Variants in USP25 observed in about 807,000 individuals in gnomAD.
USP25 encodes ubiquitin carboxyl-terminal hydrolase 25.
In USP25, 85 loss-of-function variants were observed where a neutral mutation model predicts 158.5. That is an observed-to-expected ratio of 0.54 (90% confidence interval 0.45 to 0.64). The LOEUF (loss-of-function observed/expected upper bound fraction) is 0.64, where lower values mean the gene tolerates loss of function less well. USP25 is among the 30% of genes least tolerant of loss of function. The pLI is 0.00. For synonymous variants in USP25, 464 were observed against 460.4 expected, an observed-to-expected ratio of 1.01 and a Z score of -0.10; for missense variants, 1,242 against 1,327.3, an observed-to-expected ratio of 0.94 and a Z score of 1.00.
At chr21:15,760,076 A>G (rs373692404) in intron 1 of USP25, among the ~76,000 whole-genome samples, 1 of 152,234 alleles carries the variant, frequency 6.6e-6, no homozygotes, top group South Asian at 2.1e-4. Flanking sequence ...TGCCTATCCA[A>G]TGAACATTCT....
At chr21:15,764,990 T>G (rs370462657) in intron 2 of USP25, among the ~76,000 whole-genome samples, 3 of 152,128 alleles carry the variant, frequency 2.0e-5, no homozygotes, top group Admixed American at 1.3e-4. Flanking sequence ...AGCAATAATA[T>G]TGGATGCTGT....
In USP25 at chr21:15,833,436, A is replaced by T; in HGVS notation, c.2082A>T (p.Gln694His). Residue 694 changes from glutamine to histidine, a missense_variant, in exon 17 of 26, where the codon CAA becomes CAT. By Grantham distance (24) the Gln-to-His change is conservative. Around this residue, in one of 3 missense-constraint regions of USP25, gnomAD observed 608 missense variants for 605.2 expected, o/e 1.00. Transcript: ENST00000400183. ...GAGATTTTGTTGAGGAAGACAACCA[A>T]CGATTTGAAAAAGAACTAGAAGAAT... ...DLRDFVEEDN[Q>H]RFEKELEEWD... is the part of the protein sequence containing the mutation. The T allele has an allele frequency of 6.2e-7, 1 of 1,614,102 alleles. No individual in the cohort carries two copies. The highest frequency in any genetic ancestry group is 8.5e-7 in the Non-Finnish European group (1 of 1,180,000).
chr21:15,851,505 C>A (rs1335988808), intron 20 of USP25, among the ~76,000 whole-genome samples: 3 of 111,420 alleles, frequency 2.7e-5, no homozygotes, highest in East Asian at 2.9e-4. Flanking sequence ...ATCCCCCATA[C>A]ACACACACAC....
intron 6 of USP25, 78 bp downstream of exon 6, chr21:15,799,921 A>G: frequency 2.2e-6 from 2 of 893,062 alleles, no homozygotes; most frequent in Non-Finnish European, 3.2e-6. Context: ...TTGGGCATTT[A>G]CTTGGCTCAT....
chr21:15,865,166 A>G (rs879481871), intron 21 of USP25, among the ~76,000 whole-genome samples: 22 of 152,174 alleles, frequency 1.4e-4, no homozygotes, highest in Non-Finnish European at 2.5e-4. Context: ...AGAAAGTCCT[A>G]TTAAACTACT....
At position 15,766,182 on chromosome 21, in the gene USP25, A is replaced by G. The variant is rs200643257; in HGVS notation, c.268+41A>G. On this transcript the variant is annotated intron_variant, in intron 3 of 25. Transcript: ENST00000400183. This position sits in a 1 kb window ranked among gnomAD's most constrained non-coding sequence, Gnocchi z 4.0. Reference sequence around the variant, plus strand: ...TTTCTTATTATTTTAATAGAAACATACTGAAAAACTTTTCTTGGTGTAATA... The same window carrying G: ...TTTCTTATTATTTTAATAGAAACATGCTGAAAAACTTTTCTTGGTGTAATA... The G allele has an allele frequency of 9.1e-4, 1,400 of 1,545,796 alleles. 6 individuals carry two copies. The highest frequency in any genetic ancestry group is 3.8e-3 in the Middle Eastern group (22 of 5,722).
rs562407759 is a variant in USP25, at chr21:15,827,759, C to CGTGTGT, written c.1693+561_1693+562insTGTGTG. Among the ~76,000 whole-genome samples the CGTGTGT allele has an allele frequency of 4.4e-3, 451 of 102,684 alleles. 2 individuals are homozygous for CGTGTGT. Among genetic ancestry groups the CGTGTGT allele is most frequent in the South Asian group, 5.6e-3 (16 of 2,856 alleles). 67.4% of individuals were successfully genotyped at this position (102,684 alleles called of 152,430 possible). On this transcript the variant is annotated intron_variant, in intron 14 of 25. Transcript: ENST00000400183. ...TGGGTGGGGTGTGTGCACTTGTGTG[C>CGTGTGT]GTGTGCGTGTGTGTGTGTGTGTGTG...
chr21:15,744,586 T>TTTGTTGTTG (rs10635610), intron 1 of USP25, among the ~76,000 whole-genome samples: 28,751 of 150,796 alleles, frequency 0.19, 4,363 homozygotes, highest in African/African-American at 0.43. Context: ...GGTCTGCAGT[T>TTTGTTGTTG]TTGTTGTTGT....
At chr21:15,815,981 G>C (rs2036918461) in intron 9 of USP25, among the ~76,000 whole-genome samples, 1 of 152,120 alleles carries the variant, frequency 6.6e-6, no homozygotes, top group Non-Finnish European at 1.5e-5. Context: ...AGACATGATT[G>C]GTTTTGAAAT....
At chr21:15,824,528 CTCTGTCTTCCTGTCTT>C (rs377361510) in intron 11 of USP25, among the ~76,000 whole-genome samples, 1 of 151,906 alleles carries the variant, frequency 6.6e-6, no homozygotes, top group African/African-American at 2.4e-5. Context: ...CTTTCTGTCT[CTCTGTCTTCCTGTCTT>C]TCTGTCTTCC....
chr21:15,751,997 C>T (rs1568759298), intron 1 of USP25, among the ~76,000 whole-genome samples: 1 of 152,162 alleles, frequency 6.6e-6, no homozygotes, highest in Admixed American at 6.5e-5. Flanking sequence ...TACAATGGTG[C>T]AATCTCAGCT....
intron 7 of USP25, among the ~76,000 whole-genome samples, chr21:15,806,489 T>G (rs767719203): frequency 2.6e-5 from 4 of 152,136 alleles, no homozygotes; most frequent in Middle Eastern, 3.4e-3. Context: ...CTTTTCACAT[T>G]TAAAGATGAG....
chr21:15,774,609 A>T (rs1307709893), intron 3 of USP25, among the ~76,000 whole-genome samples: 2 of 152,192 alleles, frequency 1.3e-5, no homozygotes, highest in African/African-American at 4.8e-5. Flanking sequence ...TTTAGCTTGT[A>T]ACTCATTTTA....
At chr21:15,869,149 G>C (rs2146581271) in intron 22 of USP25, among the ~76,000 whole-genome samples, 1 of 151,948 alleles carries the variant, frequency 6.6e-6, no homozygotes, top group South Asian at 2.1e-4. Context: ...TTGGGAGACA[G>C]AGGTAGGAGG....
At chr21:15,878,211 C>T in intron 25 of USP25, 92 bp from the exon 26 acceptor site, 1 of 1,473,428 alleles carries the variant, frequency 6.8e-7, no homozygotes. Context: ...ATTATCTTAC[C>T]TATTAGAGTA....
chr21:15,749,794 T>C (rs2032846351), intron 1 of USP25, among the ~76,000 whole-genome samples: 2 of 152,232 alleles, frequency 1.3e-5, no homozygotes, highest in African/African-American at 4.8e-5. Context: ...CGAAGTGTTA[T>C]TCCAAGTAAA....
At chr21:15,878,263 A>T (rs747704251) in intron 25 of USP25, 40 bp from the exon 26 acceptor site, 7 of 1,584,980 alleles carry the variant, frequency 4.4e-6, no homozygotes, top group Non-Finnish European at 3.4e-6. Context: ...TCGTGTAATA[A>T]TTTCTATCTT....
rs545092729 is a variant in USP25, at chr21:15,752,217, G to A, written c.46-10674G>A. 4.6e-5 allele frequency among the ~76,000 whole-genome samples: 7 copies of A among 152,010 alleles called. No homozygotes were observed. In the South Asian group the frequency reaches 1.0e-3, roughly 23 times the overall value. ...CAAAGTGTTGGGATTACAGGCGTGAGCCACTGCACCCTTTTTTTTTGAGAT... is the reference window on the plus strand; with the variant it reads ...CAAAGTGTTGGGATTACAGGCGTGAACCACTGCACCCTTTTTTTTTGAGAT... On this transcript the variant is annotated intron_variant, in intron 1 of 25. Transcript: ENST00000400183.
chr21:15,805,034 G>T, intron 6 of USP25, 87 bp from the exon 7 acceptor site: 43 of 1,341,332 alleles, frequency 3.2e-5, no homozygotes, highest in Non-Finnish European at 9.8e-7. Context: ...TTTAATTTTT[G>T]GTTACTGTTA....
Sources: allele counts gnomAD v4.1 joint callset (sites outside exome capture counted in the v4.1 genomes callset), GRCh38; gene constraint gnomAD v4.1.1; regional missense constraint gnomAD v4.1.1; non-coding constraint Gnocchi (gnomAD v3.1); transcripts MANE v1.5; gene names NCBI Gene and HGNC (gene_info 2026-07-23, HGNC 2026-07-21).